The following DCC variants were observed in gnomAD, a reference collection of about 807,000 sequenced individuals.
DCC encodes the protein DCC netrin 1 receptor, also known as netrin receptor DCC.
In DCC, 58 loss-of-function variants were observed where a neutral mutation model predicts 172.5. The ratio of observed to expected loss-of-function variants is 0.34; its 90% confidence interval spans 0.27 to 0.42. The LOEUF (loss-of-function observed/expected upper bound fraction) is 0.42, where lower values mean the gene tolerates loss of function less well. DCC is among the 10% of genes least tolerant of loss of function. The probability of loss-of-function intolerance (pLI) is 1.00; values close to 1 mark genes in which losing one functional copy is unlikely to be tolerated. For missense variants in DCC, 1,740 were observed against 1,791.0 expected (o/e 0.97, Z 0.51); for synonymous variants, 709 against 644.5 (o/e 1.10, Z -1.52).
intron 5 of DCC, among the ~76,000 whole-genome samples, chr18:52,967,647 A>T (rs1409427975): frequency 6.6e-6 from 1 of 152,144 alleles, no homozygotes; most frequent in East Asian, 1.9e-4. Context: ...TTCTAGATTT[A>T]CCACCTTAAT....
At chr18:53,491,401 G>A (rs1042634819) in intron 26 of DCC, among the ~76,000 whole-genome samples, 1 of 152,118 alleles carries the variant, frequency 6.6e-6, no homozygotes, top group Non-Finnish European at 1.5e-5. Flanking sequence ...TGGGGTACAT[G>A]TGCAGAATGT....
At chr18:52,427,891 C>A (rs1228388094) in intron 1 of DCC, among the ~76,000 whole-genome samples, 1 of 142,128 alleles carries the variant, frequency 7.0e-6, no homozygotes, top group African/African-American at 2.6e-5. Context: ...TTCCTTCCTT[C>A]CTTGGCACAT....
intron 19 of DCC, among the ~76,000 whole-genome samples, chr18:53,409,021 G>C (rs555873481): frequency 6.6e-6 from 1 of 152,288 alleles, no homozygotes; most frequent in South Asian, 2.1e-4. Flanking sequence ...CTTTATTGAA[G>C]TGTATTACCA....
At chr18:53,146,275 G>T (rs2043912449) in intron 7 of DCC, among the ~76,000 whole-genome samples, 1 of 152,114 alleles carries the variant, frequency 6.6e-6, no homozygotes, top group African/African-American at 2.4e-5. Flanking sequence ...TGAAAAAAAA[G>T]AAATTTATTT....
chr18:53,293,930 A>G (rs924858), intron 12 of DCC, among the ~76,000 whole-genome samples: 22,610 of 152,124 alleles, frequency 0.15, 2,288 homozygotes, highest in African/African-American at 0.28. Context: ...CTCTGTGAAC[A>G]GTCATAGATT....
chr18:52,559,832 G>C (rs2032997240), intron 1 of DCC, among the ~76,000 whole-genome samples: 1 of 152,170 alleles, frequency 6.6e-6, no homozygotes, highest in Non-Finnish European at 1.5e-5. Context: ...GAGAGAAAGA[G>C]AGAAAAGAGC....
At chr18:53,049,420 AG>A (rs1454391273) in intron 5 of DCC, among the ~76,000 whole-genome samples, 2 of 152,158 alleles carry the variant, frequency 1.3e-5, no homozygotes, top group Admixed American at 6.6e-5. Context: ...CAGTTATTCC[AG>A]GACCATTTAT....
chr18:52,910,582 T>C (rs776626436), intron 3 of DCC, among the ~76,000 whole-genome samples: 1 of 152,148 alleles, frequency 6.6e-6, no homozygotes, highest in Non-Finnish European at 1.5e-5. Flanking sequence ...ATGTGATGAA[T>C]GGAAGCAGCC....
At chr18:53,383,885 C>T (rs1466482695) in intron 15 of DCC, among the ~76,000 whole-genome samples, 2 of 151,902 alleles carry the variant, frequency 1.3e-5, no homozygotes, top group Admixed American at 1.3e-4. Flanking sequence ...TTGCTTTATT[C>T]CATATTACAT....
intron 5 of DCC, among the ~76,000 whole-genome samples, chr18:53,002,111 G>T (rs140643059): frequency 2.6e-5 from 4 of 151,978 alleles, no homozygotes; most frequent in Non-Finnish European, 4.4e-5. Flanking sequence ...TGTTCATCTA[G>T]CCACATGTAA....
At chr18:53,429,409 A>AT (rs60006702) in intron 21 of DCC, among the ~76,000 whole-genome samples, 41 of 150,662 alleles carry the variant, frequency 2.7e-4, no homozygotes, top group African/African-American at 9.0e-4. Context: ...GTATCCTGGT[A>AT]TTTTTTTTGT....
chr18:52,842,725 T>C (rs897194812), intron 2 of DCC, among the ~76,000 whole-genome samples: 1 of 152,202 alleles, frequency 6.6e-6, no homozygotes, highest in Non-Finnish European at 1.5e-5. Context: ...CCAGGTGATT[T>C]TGATGCATGC....
chr18:53,069,681 A>G (rs1160729649), intron 7 of DCC, among the ~76,000 whole-genome samples: 3 of 151,958 alleles, frequency 2.0e-5, no homozygotes, highest in East Asian at 3.9e-4. Flanking sequence ...TGAAAGGACA[A>G]GCTGAGAAAA....
chr18:52,517,382 G>C (rs911299667), intron 1 of DCC, among the ~76,000 whole-genome samples: 3 of 152,152 alleles, frequency 2.0e-5, no homozygotes, highest in Non-Finnish European at 2.9e-5. Flanking sequence ...CAGGTAGAAA[G>C]GACCAGGCAG....
chr18:52,841,539 T>C (rs774681254), intron 2 of DCC, among the ~76,000 whole-genome samples: 1 of 152,132 alleles, frequency 6.6e-6, no homozygotes, highest in South Asian at 2.1e-4. Context: ...TGCCATCTGC[T>C]GAGAAGTGAC....
At chr18:52,846,540 A>G (rs1024732246) in intron 2 of DCC, among the ~76,000 whole-genome samples, 1 of 150,224 alleles carries the variant, frequency 6.7e-6, no homozygotes, top group Non-Finnish European at 1.5e-5. Context: ...CCCTGTCTCA[A>G]AGAGAAAAAA....
intron 5 of DCC, among the ~76,000 whole-genome samples, chr18:52,933,892 A>T (rs1018291438): frequency 5.3e-5 from 8 of 152,054 alleles, no homozygotes; most frequent in African/African-American, 1.4e-4. Flanking sequence ...TAATTACTTT[A>T]TCATAGGATT....
intron 27 of DCC, among the ~76,000 whole-genome samples, chr18:53,516,815 T>G (rs1423875978): frequency 7.0e-6 from 1 of 142,424 alleles, no homozygotes; most frequent in East Asian, 2.1e-4. Context: ...CTGGAGAGGA[T>G]GTGGAGAAAT....
intron 9 of DCC, among the ~76,000 whole-genome samples, chr18:53,186,744 C>A (rs886872497): frequency 6.6e-6 from 1 of 152,142 alleles, no homozygotes; most frequent in African/African-American, 2.4e-5. Flanking sequence ...AACAAAACAC[C>A]TGACACTGTA....
Sources: allele counts gnomAD v4.1 joint callset (sites outside exome capture counted in the v4.1 genomes callset), GRCh38; gene constraint gnomAD v4.1.1; transcripts MANE v1.5; gene names NCBI Gene and HGNC (gene_info 2026-07-23, HGNC 2026-07-21).